Variants in ZNF469 observed in about 807,000 individuals in gnomAD.
ZNF469 encodes the protein zinc finger protein 469.
Under a neutral mutation model 1.0 loss-of-function variants are expected in ZNF469, and 1 was observed. The ratio of observed to expected loss-of-function variants is 1.00; its 90% CI spans 0.35 to 4.73. The LOEUF (loss-of-function observed/expected upper bound fraction) is 4.73. Ranked by LOEUF, ZNF469 falls within the 30% of genes most tolerant of loss-of-function variation. The pLI, the probability that ZNF469 is intolerant of heterozygous loss-of-function variation, is 0.16. For synonymous variants in ZNF469, 2,703 were observed against 2,363.4 expected, an observed-to-expected ratio of 1.14 and a Z score of -4.17; for missense variants, 6,100 against 5,356.3, an observed-to-expected ratio of 1.14 and a Z score of -4.33.
At chr16:88,398,952 C>A (rs1030047769) in intron 1 of ZNF469, among the ~76,000 whole-genome samples, 2 of 152,240 alleles carry the variant, frequency 1.3e-5, no homozygotes, top group Non-Finnish European at 2.9e-5. Context: ...ACCACCACCC[C>A]CCCAGGATCT....
At chr16:88,164,023 G>A in the ZNF469 span, among the ~76,000 whole-genome samples, 1 of 151,598 alleles carries the variant, frequency 6.6e-6, no homozygotes, top group Non-Finnish European at 1.5e-5. Flanking sequence ...GTAGATGGAT[G>A]AATGGATGGA....
rs1905755020 is a variant in ZNF469, at chr16:88,427,325, C to A, written c.-126-20C>A. ...CCACCCAGCCCCTCTGCCCCACTCA[C>A]CCCTGACCTTTCCTTCCAGGCTCCA... On this transcript the variant is annotated intron_variant, in intron 2 of 2. Coordinates refer to ENST00000565624, the MANE Select transcript of ZNF469 (RefSeq NM_001367624.2). The A allele has an allele frequency of 5.6e-6, 5 of 888,532 alleles. No homozygotes were observed. The highest frequency in any genetic ancestry group is 8.1e-6 in the Non-Finnish European group (5 of 613,802). The allele number at this position is 888,532 out of a possible 1,614,324, so 55.0% of individuals were successfully genotyped here. A position where few individuals can be genotyped will look rare whatever the true frequency, so the allele number is the denominator to read the frequency against.
upstream of ZNF469, among the ~76,000 whole-genome samples, chr16:88,379,989 C>T (rs774985882): frequency 1.1e-4 from 16 of 152,118 alleles, no homozygotes; most frequent in Non-Finnish European, 1.5e-4. Flanking sequence ...CACGCCCAGG[C>T]GGCATTCAGG....
At chr16:88,178,378 GGCACTCCGGCGTTCTGAGAACTGA>G in the ZNF469 span, 1 of 152,160 alleles carries the variant, frequency 6.6e-6, no homozygotes, top group Non-Finnish European at 1.5e-5. Context: ...TTATGAATGG[GGCACTCCGGCGTTCTGAGAACTGA>G]GCACTCCGAC....
intron 1 of ZNF469, among the ~76,000 whole-genome samples, chr16:88,416,404 C>T (rs1905301920): frequency 6.6e-6 from 1 of 152,182 alleles, no homozygotes. Flanking sequence ...CTTCCCCACG[C>T]TGGAAGACAG....
chr16:88,245,637 A>G, the ZNF469 span, among the ~76,000 whole-genome samples: 2 of 152,372 alleles, frequency 1.3e-5, no homozygotes, highest in East Asian at 3.9e-4. Flanking sequence ...AATCCCGAAG[A>G]GGGGAATTCT....
chr16:88,328,444 C>T, the ZNF469 span, among the ~76,000 whole-genome samples: 4 of 152,188 alleles, frequency 2.6e-5, no homozygotes, highest in South Asian at 2.1e-4. Context: ...AGTTCTCAGC[C>T]GGGGCCTGGC....
At chr16:88,186,343 G>A in the ZNF469 span, among the ~76,000 whole-genome samples, 1 of 152,168 alleles carries the variant, frequency 6.6e-6, no homozygotes, top group Non-Finnish European at 1.5e-5. Context: ...TTATAAATCA[G>A]CCAACAATGG....
At chr16:88,400,577 C>T (rs936097279) in intron 1 of ZNF469, among the ~76,000 whole-genome samples, 5 of 152,184 alleles carry the variant, frequency 3.3e-5, no homozygotes, top group African/African-American at 7.2e-5. Flanking sequence ...GACCCAACTG[C>T]TCCACATCAG....
At chr16:88,251,446 T>C in the ZNF469 span, among the ~76,000 whole-genome samples, 3 of 152,010 alleles carry the variant, frequency 2.0e-5, 1 homozygote, top group Non-Finnish European at 4.4e-5. Context: ...CTTCTGAAGA[T>C]TGTTGCTTTT....
chr16:88,437,845 C>T lies in ZNF469; in HGVS notation c.10375C>T (p.Pro3459Ser). ...CCGCGGCGTGCGGAGGCCGGGAGCG[C>T]CGGGACAGAAGGCCCGGGCCCTCGA... is the stretch of plus-strand genomic sequence containing the variant. ...AFRGVRRPGA[P>S]GQKARALEGT... Residue 3459 changes from proline (P) to serine (S), a missense_variant, in exon 3 of 3, where the codon CCG (proline) becomes TCG (serine). Pro to Ser is a moderately conservative substitution (Grantham distance 74). Coordinates refer to ENST00000565624, the MANE Select transcript of ZNF469 (RefSeq NM_001367624.2). 6.5e-7 allele frequency: 1 copy of T among 1,540,378 alleles called. No homozygotes were observed. The highest frequency in any genetic ancestry group is 8.8e-7 in the Non-Finnish European group (1 of 1,139,614).
the ZNF469 span, among the ~76,000 whole-genome samples, chr16:88,112,071 C>G: frequency 6.6e-6 from 1 of 152,104 alleles, no homozygotes; most frequent in Admixed American, 6.5e-5. Flanking sequence ...GTCACATTTT[C>G]TTTATCTGTT....
the ZNF469 span, among the ~76,000 whole-genome samples, chr16:88,151,357 T>C: frequency 6.6e-6 from 1 of 152,214 alleles, no homozygotes; most frequent in South Asian, 2.1e-4. This position sits in a 1 kb window ranked among gnomAD's most constrained non-coding sequence, Gnocchi z 5.4. Context: ...CAGCCAAAGC[T>C]TAAAACACGG....
At chr16:88,106,206 C>A in the ZNF469 span, among the ~76,000 whole-genome samples, 2 of 152,332 alleles carry the variant, frequency 1.3e-5, no homozygotes, top group Non-Finnish European at 2.9e-5. Flanking sequence ...TCCACCCGCG[C>A]CCCCACACCC....
intron 1 of ZNF469, among the ~76,000 whole-genome samples, chr16:88,398,590 C>T (rs1401354273): frequency 6.9e-6 from 1 of 145,286 alleles, no homozygotes; most frequent in Non-Finnish European, 1.5e-5. Flanking sequence ...GGACATGTGC[C>T]ACAGATGAAG....
chr16:88,386,187 A>C (rs1280487324), intron 1 of ZNF469, among the ~76,000 whole-genome samples: 1 of 151,732 alleles, frequency 6.6e-6, no homozygotes, highest in Non-Finnish European at 1.5e-5. Flanking sequence ...TTCATTCTAG[A>C]CCTGCAGGGT....
the ZNF469 span, among the ~76,000 whole-genome samples, chr16:88,109,647 G>A: frequency 1.6e-3 from 231 of 140,860 alleles, no homozygotes; most frequent in African/African-American, 5.4e-3. Flanking sequence ...GGTGCTGAGC[G>A]TCTGTGTCCA....
chr16:88,433,036 G>A lies in ZNF469; in HGVS notation c.5566G>A (p.Glu1856Lys), dbSNP rs949625349. ...TAGRPGFEGNEFAPAGASSLT... is the reference protein window; with the variant it reads ...TAGRPGFEGNKFAPAGASSLT... ...AGGGAGGCCTGGCTTTGAGGGTAAT[G>A]AGTTTGCACCGGCGGGGGCCTCCTC... The change falls in exon 3 of 3, where the codon GAG becomes AAG. Residue 1856 changes from glutamate to lysine, a missense_variant. By Grantham distance (56) the Glu-to-Lys change is moderately conservative. Coordinates refer to ENST00000565624, the MANE Select transcript of ZNF469 (RefSeq NM_001367624.2). 8 of 1,550,384 alleles carry A rather than the reference G, an allele frequency of 5.2e-6. No homozygotes were observed. The highest frequency in any genetic ancestry group is 6.1e-6 in the Non-Finnish European group (7 of 1,146,978).
At chr16:88,269,679 G>A in the ZNF469 span, among the ~76,000 whole-genome samples, 1 of 152,020 alleles carries the variant, frequency 6.6e-6, no homozygotes, top group Non-Finnish European at 1.5e-5. Flanking sequence ...TTCTGCACCT[G>A]CTGGTTGGTA....
Sources: allele counts gnomAD v4.1 joint callset (sites outside exome capture counted in the v4.1 genomes callset), GRCh38; gene constraint gnomAD v4.1.1; non-coding constraint Gnocchi (gnomAD v3.1); transcripts MANE v1.5; gene names NCBI Gene and HGNC (gene_info 2026-07-23, HGNC 2026-07-21).